The following NMT1 variants were observed in gnomAD, a reference collection of about 807,000 sequenced individuals.
NMT1 encodes the protein glycylpeptide N-tetradecanoyltransferase 1.
In NMT1, 12 loss-of-function variants were observed where a neutral mutation model predicts 63.4. The ratio of observed to expected loss-of-function variants is 0.19; its 90% CI spans 0.12 to 0.31. The LOEUF (loss-of-function observed/expected upper bound fraction) is 0.31, where lower values mean the gene tolerates loss of function less well. Ranked by LOEUF, NMT1 falls within the 10% of genes least tolerant of loss-of-function variation. The probability of loss-of-function intolerance (pLI) is 1.00; values close to 1 mark genes in which losing one functional copy is unlikely to be tolerated. For missense variants in NMT1, 432 were observed against 634.6 expected (o/e 0.68, Z 3.43); for synonymous variants, 228 against 234.3 (o/e 0.97, Z 0.25).
intron 8 of NMT1, 121 bp from the exon 9 acceptor site, chr17:45,102,830 G>T: frequency 1.2e-6 from 1 of 819,642 alleles, no homozygotes. Flanking sequence ...AGATATGCAC[G>T]GGGGTGCAGG....
chr17:45,068,513 TGA>T (rs1479884719), intron 1 of NMT1, among the ~76,000 whole-genome samples: 1 of 152,208 alleles, frequency 6.6e-6, no homozygotes, highest in Non-Finnish European at 1.5e-5. Flanking sequence ...GCTGCTCTCT[TGA>T]GAGACAACTG....
In NMT1 at chr17:45,093,744, C is replaced by G. The variant is rs1366323829; in HGVS notation, c.445C>G (p.Pro149Ala). 6.2e-7 allele frequency: 1 copy of G among 1,614,220 alleles called. No homozygotes were observed. Among genetic ancestry groups the G allele is most frequent in the Non-Finnish European group, 8.5e-7 (1 of 1,180,034 alleles). The change falls in exon 4 of 12, where the codon CCC becomes GCC. Residue 149 changes from proline (P) to alanine (A), a missense_variant. Coordinates refer to ENST00000258960, the MANE Select transcript of NMT1 (RefSeq NM_021079.5). ...EPDKDNIRQEPYTLPQGFTWD... is the reference protein window; with the variant it reads ...EPDKDNIRQEAYTLPQGFTWD... ...TGACAAGGACAATATCCGCCAGGAG[C>G]CCTACACCCTGCCCCAGGGCTTCAC...
rs1247722160 is a variant in NMT1 at position 45,104,802 on chromosome 17, AAGG to A, written c.1333-53_1333-51del. The A allele has an allele frequency of 1.0e-5, 16 of 1,604,000 alleles. No individual in the cohort carries two copies. Among genetic ancestry groups the A allele is most frequent in the Non-Finnish European group, 1.4e-5 (16 of 1,172,464 alleles). On this transcript the variant is annotated intron_variant, in intron 10 of 11. Coordinates refer to ENST00000258960, the MANE Select transcript of NMT1 (RefSeq NM_021079.5). The surrounding 1 kb of genome is among the most constrained non-coding windows in gnomAD (Gnocchi z 4.2). ...TTTGAAATGGCAGCAAAGGGGTAGG[AAGG>A]AGGCTGTCCCCACCTGTCCTCACCT...
intron 3 of NMT1, among the ~76,000 whole-genome samples, chr17:45,088,945 A>G (rs2054071546): frequency 6.6e-6 from 1 of 152,226 alleles, no homozygotes; most frequent in Non-Finnish European, 1.5e-5. Context: ...AAGGAGGAAC[A>G]AGGTCTGGTT....
intron 1 of NMT1, among the ~76,000 whole-genome samples, chr17:45,070,579 G>A (rs1025590772): frequency 3.3e-5 from 5 of 152,048 alleles, no homozygotes; most frequent in African/African-American, 7.2e-5. Context: ...CACCACGCCC[G>A]GCTAATTTTT....
At chr17:45,093,026 A>G (rs977361841) in intron 3 of NMT1, among the ~76,000 whole-genome samples, 3 of 152,160 alleles carry the variant, frequency 2.0e-5, no homozygotes, top group African/African-American at 7.2e-5. Context: ...CACTCCCCAC[A>G]TGCTCCCACA....
Position 45,078,836 on chromosome 17 carries a change from G to A in NMT1, c.132-2808G>A, listed in dbSNP as rs113123260. Among the ~76,000 whole-genome samples, 923 of 151,798 alleles carry A rather than the reference G, an allele frequency of 6.1e-3. 9 individuals carry two copies. The highest frequency in any genetic ancestry group is 0.022 in the African/African-American group (894 of 41,408). The stretch of plus-strand genomic sequence containing the variant: ...CACCACCACACCTGGCTAATTTTTG[G>A]ATTTGTGTTAGAGACGGGGTTTCGC... On this transcript the variant is annotated intron_variant, in intron 1 of 11. Transcript: ENST00000258960.
At chr17:45,096,148 A>G (rs8073097) in intron 4 of NMT1, 46 bp from the exon 5 acceptor site, 44,337 of 1,450,574 alleles carry the variant, frequency 0.031, 1,288 homozygotes, top group Admixed American at 0.082. Flanking sequence ...GAGTTGGTCT[A>G]CTACCTGGCA....
At chr17:45,061,557 C>G in intron 1 of NMT1, 97 bp downstream of exon 1, 2 of 1,070,988 alleles carry the variant, frequency 1.9e-6, no homozygotes, top group Non-Finnish European at 2.7e-6. Flanking sequence ...TAGCCCCACC[C>G]TCATGTTCTT....
chr17:45,092,505 C>T (rs1230447157), intron 3 of NMT1, among the ~76,000 whole-genome samples: 1 of 151,344 alleles, frequency 6.6e-6, no homozygotes, highest in African/African-American at 2.4e-5. Context: ...TGAAACCAGC[C>T]TGGCCAACAT....
intron 8 of NMT1, among the ~76,000 whole-genome samples, chr17:45,101,167 G>A (rs867848933): frequency 6.6e-6 from 1 of 151,628 alleles, no homozygotes. Context: ...CTGGCCCACA[G>A]AGCGAGACTC....
chr17:45,070,934 T>C (rs968278009), intron 1 of NMT1, among the ~76,000 whole-genome samples: 2 of 152,156 alleles, frequency 1.3e-5, no homozygotes, highest in African/African-American at 4.8e-5. Context: ...ATATAACTAA[T>C]TGGTGGGAAT....
Position 45,104,654 on chromosome 17 carries a change from G to A in NMT1, c.1333-205G>A. The A allele has an allele frequency of 2.1e-6, 3 of 1,417,232 alleles. No homozygotes were observed. Among genetic ancestry groups the A allele is most frequent in the South Asian group, 3.0e-5 (2 of 66,326 alleles). The allele number at this position is 1,417,232 out of a possible 1,614,324, so 87.8% of individuals were successfully genotyped here. A position where few individuals can be genotyped will look rare whatever the true frequency, so the allele number is the denominator to read the frequency against. On this transcript the variant is annotated intron_variant, in intron 10 of 11. Transcript: ENST00000258960. The surrounding 1 kb of genome is among the most constrained non-coding windows in gnomAD (Gnocchi z 4.2). ...TATGTGTACACTCTGAGGGACACTGGGCAGAGGCCAGGCTGGAGGGGGCGC... is the reference window on the plus strand; with the variant it reads ...TATGTGTACACTCTGAGGGACACTGAGCAGAGGCCAGGCTGGAGGGGGCGC...
intron 2 of NMT1, among the ~76,000 whole-genome samples, chr17:45,085,726 A>G (rs1375884492): frequency 4.6e-5 from 7 of 152,210 alleles, no homozygotes; most frequent in Admixed American, 6.5e-5. Context: ...CCCATCATAT[A>G]GCTCATTGTC....
In NMT1 at chr17:45,104,298, G is replaced by T; in HGVS notation, c.1332+422G>T. 1 of 1,182,302 alleles carries T rather than the reference G, an allele frequency of 8.5e-7. No individual in the cohort carries two copies. Among genetic ancestry groups the T allele is most frequent in the Non-Finnish European group, 1.1e-6 (1 of 942,506 alleles). 73.2% of individuals were successfully genotyped at this position (1,182,302 alleles called of 1,614,324 possible). ...TGTCAGTGCTTTGCTGTGGGTTCTG[G>T]TAACCTGTGCCCAGCCCAGCCCAGC... On this transcript the variant is annotated intron_variant, in intron 10 of 11. Coordinates refer to ENST00000258960, the MANE Select transcript of NMT1 (RefSeq NM_021079.5). This position sits in a 1 kb window ranked among gnomAD's most constrained non-coding sequence, Gnocchi z 4.2.
rs16939812 is a variant in NMT1, at chr17:45,091,698, C to G, written c.386-1987C>G. ...TAGCTGTCAGTTGGAAGCGGATTGA[C>G]TTAAATTCACAAGAGCTACTTTATG... is the stretch of plus-strand genomic sequence containing the variant. On this transcript the variant is annotated intron_variant, in intron 3 of 11. Transcript: ENST00000258960. Among the ~76,000 whole-genome samples the G allele has an allele frequency of 7.7e-3, 1,168 of 152,186 alleles. 18 individuals are homozygous for G. The highest frequency in any genetic ancestry group is 0.026 in the African/African-American group (1,098 of 41,516).
At position 45,106,218 on chromosome 17, in the gene NMT1, A is replaced by C. The variant is rs1216711171; in HGVS notation, c.*579A>C. 4.6e-5 allele frequency: 7 copies of C among 152,730 alleles called. No homozygotes were observed. The highest frequency in any genetic ancestry group is 1.7e-4 in the African/African-American group (7 of 41,556). 9.5% of individuals were successfully genotyped at this position (152,730 alleles called of 1,614,324 possible). ...TCAGCTGGGATGACTGGCTTTGAGA[A>C]GGAAGGGAAGATGGAACAGGCTCAG... is the stretch of plus-strand genomic sequence containing the variant. On this transcript the variant is annotated 3_prime_UTR_variant, in exon 12 of 12. Transcript: ENST00000258960.
chr17:45,099,296 C>G, intron 7 of NMT1, 109 bp from the exon 8 acceptor site: 1 of 759,790 alleles, frequency 1.3e-6, no homozygotes, highest in Non-Finnish European at 2.4e-6. Flanking sequence ...TCCGGAGGCA[C>G]CTGATGTGTC....
intron 2 of NMT1, among the ~76,000 whole-genome samples, chr17:45,084,213 G>A (rs190630153): frequency 3.9e-5 from 6 of 152,132 alleles, no homozygotes; most frequent in Admixed American, 3.9e-4. Context: ...GAATGAATAG[G>A]CAGTTCAGAA....
Sources: allele counts gnomAD v4.1 joint callset (sites outside exome capture counted in the v4.1 genomes callset), GRCh38; gene constraint gnomAD v4.1.1; non-coding constraint Gnocchi (gnomAD v3.1); transcripts MANE v1.5; gene names NCBI Gene and HGNC (gene_info 2026-07-23, HGNC 2026-07-21).